The following LRRC7 variants were observed in gnomAD, a reference collection of about 807,000 sequenced individuals.
The protein encoded by LRRC7 is leucine-rich repeat-containing protein 7.
Under a neutral mutation model 175.7 loss-of-function variants are expected in LRRC7, and 23 were observed. The observed-to-expected ratio is 0.13, with a 90% CI of 0.09 to 0.19. LRRC7 has a LOEUF of 0.19. LRRC7 is among the 10% of genes least tolerant of loss of function. LRRC7 has a pLI of 1.00. For missense variants in LRRC7, 1,354 were observed against 1,904.7 expected, an observed-to-expected ratio of 0.71 and a Z score of 5.38; for synonymous variants, 685 against 680.9, an observed-to-expected ratio of 1.01 and a Z score of -0.09.
intron 7 of LRRC7, among the ~76,000 whole-genome samples, chr1:69,907,637 T>C (rs1349200028): frequency 1.3e-5 from 2 of 152,200 alleles, no homozygotes; most frequent in African/African-American, 4.8e-5. Context: ...GATAAGCTTT[T>C]TGATGTGCTG....
At chr1:69,609,310 T>G (rs549478038) in intron 1 of LRRC7, among the ~76,000 whole-genome samples, 2 of 152,108 alleles carry the variant, frequency 1.3e-5, no homozygotes, top group Admixed American at 6.6e-5. Flanking sequence ...AGAACAGTGG[T>G]AGGAAATGAT....
intron 1 of LRRC7, among the ~76,000 whole-genome samples, chr1:69,647,951 A>G: frequency 6.6e-6 from 1 of 152,172 alleles, no homozygotes; most frequent in East Asian, 1.9e-4. Context: ...CTTTGAATAG[A>G]TTTCTCTAAA....
intron 1 of LRRC7, among the ~76,000 whole-genome samples, chr1:69,598,238 A>T (rs1399591170): frequency 1.3e-5 from 2 of 152,076 alleles, no homozygotes; most frequent in African/African-American, 4.8e-5. Context: ...CTGAGACTAA[A>T]CTTTCAGGAA....
intron 23 of LRRC7, among the ~76,000 whole-genome samples, chr1:70,055,576 C>T (rs1661084144): frequency 6.6e-6 from 1 of 152,144 alleles, no homozygotes; most frequent in Non-Finnish European, 1.5e-5. Context: ...CTCACAGTTC[C>T]TCAGGCTGTA....
chr1:69,737,101 T>C (rs1668200025), intron 2 of LRRC7, among the ~76,000 whole-genome samples: 1 of 152,122 alleles, frequency 6.6e-6, no homozygotes, highest in South Asian at 2.1e-4. Flanking sequence ...CTGCTTTGCA[T>C]TCTTTACAAA....
At chr1:69,912,671 C>T (rs1557880615) in intron 7 of LRRC7, among the ~76,000 whole-genome samples, 2 of 152,052 alleles carry the variant, frequency 1.3e-5, no homozygotes, top group African/African-American at 2.4e-5. Flanking sequence ...TAGGACTGCA[C>T]AATAATTTTC....
intron 1 of LRRC7, among the ~76,000 whole-genome samples, chr1:69,676,808 G>T (rs1181835647): frequency 6.6e-6 from 1 of 151,816 alleles, no homozygotes; most frequent in African/African-American, 2.4e-5. Context: ...TAGCTTTAGG[G>T]GTACAAGTGG....
At chr1:69,869,999 T>C (rs2226284) in intron 7 of LRRC7, among the ~76,000 whole-genome samples, 70,894 of 151,900 alleles carry the variant, frequency 0.47, 16,823 homozygotes, top group East Asian at 0.55. Flanking sequence ...CAGTCAAATA[T>C]CTTGCCTAAG....
intron 4 of LRRC7, among the ~76,000 whole-genome samples, chr1:69,813,831 A>G (rs1678255778): frequency 1.3e-5 from 2 of 152,060 alleles, no homozygotes; most frequent in Admixed American, 6.6e-5. Context: ...AAAAATAGAG[A>G]TCAGAGCTTG....
intron 11 of LRRC7, among the ~76,000 whole-genome samples, chr1:70,003,410 T>C (rs544448234): frequency 3.9e-5 from 6 of 152,346 alleles, no homozygotes; most frequent in Non-Finnish European, 7.3e-5. Context: ...ATTGTTTCCA[T>C]GCTTTGTGAC....
chr1:69,942,360 G>C (rs1648812607), intron 8 of LRRC7, among the ~76,000 whole-genome samples: 1 of 152,100 alleles, frequency 6.6e-6, no homozygotes, highest in African/African-American at 2.4e-5. Flanking sequence ...AGAAATTCTA[G>C]TTAAAATATC....
chr1:70,102,149 G>A (rs1473745109), intron 25 of LRRC7, among the ~76,000 whole-genome samples: 1 of 152,112 alleles, frequency 6.6e-6, no homozygotes, highest in Non-Finnish European at 1.5e-5. Flanking sequence ...CTCCTGACTT[G>A]GAGCTACTAA....
intron 2 of LRRC7, among the ~76,000 whole-genome samples, chr1:69,712,836 A>G (rs924479340): frequency 6.6e-6 from 1 of 152,088 alleles, no homozygotes; most frequent in Non-Finnish European, 1.5e-5. Context: ...TGATGTCCAT[A>G]TTGCATTAGC....
chr1:69,874,229 A>G (rs1394778531), intron 7 of LRRC7: 2 of 152,176 alleles, frequency 1.3e-5, no homozygotes, highest in Non-Finnish European at 1.5e-5. Context: ...GGCTTATAGC[A>G]TTTCAATTTG....
chr1:69,986,457 G>T, intron 10 of LRRC7, 71 bp downstream of exon 10: 2 of 1,365,818 alleles, frequency 1.5e-6, no homozygotes, highest in Non-Finnish European at 2.0e-6. Flanking sequence ...AGTATAGTTT[G>T]TCTATAGATA....
At chr1:69,885,754 A>G (rs1302052179) in intron 7 of LRRC7, among the ~76,000 whole-genome samples, 1 of 138,342 alleles carries the variant, frequency 7.2e-6, no homozygotes, top group Non-Finnish European at 1.5e-5. Context: ...GTGGGCATTT[A>G]GTGCTATAAA....
intron 7 of LRRC7, among the ~76,000 whole-genome samples, chr1:69,925,570 T>A (rs1181118239): frequency 2.0e-5 from 3 of 152,242 alleles, no homozygotes; most frequent in Admixed American, 6.5e-5. Flanking sequence ...TCTTCTAGAT[T>A]TTCTAGTTTA....
At chr1:69,637,489 T>C (rs188400014) in intron 1 of LRRC7, among the ~76,000 whole-genome samples, 17 of 152,002 alleles carry the variant, frequency 1.1e-4, no homozygotes, top group Admixed American at 9.9e-4. Flanking sequence ...AACCCACTTA[T>C]CACAACTAAA....
At chr1:69,621,962 C>T (rs1650686655) in intron 1 of LRRC7, among the ~76,000 whole-genome samples, 1 of 152,140 alleles carries the variant, frequency 6.6e-6, no homozygotes, top group African/African-American at 2.4e-5. Context: ...CTTCTCTGAA[C>T]TTGAAGTTTT....
Sources: gnomAD v4.1 joint callset for allele counts (sites outside exome capture counted in the v4.1 genomes callset) on GRCh38, gnomAD v4.1.1 for gene constraint, MANE v1.5 for transcripts, NCBI Gene and HGNC (gene_info 2026-07-23, HGNC 2026-07-21) for gene names.